SREBF2: variants seen among roughly 807,000 people sequenced by gnomAD.
SREBF2 encodes the protein sterol regulatory element binding transcription factor 2.
In SREBF2, 55 loss-of-function variants were observed where a neutral mutation model predicts 113.1. That is an observed-to-expected ratio of 0.49 (90% CI 0.39 to 0.61). The LOEUF (loss-of-function observed/expected upper bound fraction) is 0.61. Among genes scored for constraint, SREBF2 ranks in the 20% least tolerant of loss-of-function variants. The pLI is 0.00. For synonymous variants in SREBF2, 593 were observed against 605.7 expected (o/e 0.98, Z 0.31); for missense variants, 1,349 against 1,487.4 (o/e 0.91, Z 1.53).
intron 1 of SREBF2, among the ~76,000 whole-genome samples, chr22:41,859,498 G>A (rs539875409): frequency 9.9e-5 from 15 of 152,216 alleles, no homozygotes; most frequent in African/African-American, 3.4e-4. Context: ...TTTTTCTCAT[G>A]CATAAGCAAA....
chr22:41,903,967 G>A (rs1170358125), intron 17 of SREBF2, among the ~76,000 whole-genome samples: 4 of 152,214 alleles, frequency 2.6e-5, no homozygotes, highest in Non-Finnish European at 4.4e-5. Context: ...ATGTACCCCA[G>A]GCCTGGAGCG....
chr22:41,853,929 G>T (rs1437261709), intron 1 of SREBF2, among the ~76,000 whole-genome samples: 2 of 151,644 alleles, frequency 1.3e-5, no homozygotes, highest in Non-Finnish European at 2.9e-5. Flanking sequence ...CAGCTACTCG[G>T]GAGGCTGAGG....
chr22:41,905,567 C>A lies in SREBF2; in HGVS notation c.3333C>A (p.Arg1111=), dbSNP rs145828942. 135 of 1,596,684 alleles carry A rather than the reference C, an allele frequency of 8.5e-5. No homozygotes were observed. The African/African-American group carries it at 1.6e-3, about 19-fold the overall frequency. The change falls in exon 19 of 19, where the codon CGC becomes CGA. Residue 1111 remains arginine, a synonymous_variant. Transcript: ENST00000361204. ...CAGTGCTGCTGGCCGAAGCTGCCCG[C>A]ACCCTGGAGAAGGTGGGCGACCGGC... ...QRAVLLAEAA[R]TLEKVGDRRS... is the part of the protein sequence containing the mutation.
intron 1 of SREBF2, among the ~76,000 whole-genome samples, chr22:41,848,272 A>G (rs1298701231): frequency 6.6e-6 from 1 of 151,894 alleles, no homozygotes. Flanking sequence ...TTTTTTTAGT[A>G]GAGACGGAGT....
chr22:41,892,515 G>T (rs1054890033), intron 11 of SREBF2, among the ~76,000 whole-genome samples: 2 of 151,856 alleles, frequency 1.3e-5, no homozygotes, highest in East Asian at 1.9e-4. Context: ...GGGCATGGTG[G>T]CGCGCGCCTG....
chr22:41,889,806 G>A (rs1340110012), intron 11 of SREBF2, among the ~76,000 whole-genome samples: 3 of 151,840 alleles, frequency 2.0e-5, no homozygotes, highest in African/African-American at 7.3e-5. Context: ...TTTGAGACCA[G>A]CCTGGCCAAC....
chr22:41,867,748 A>G (rs1208116996), intron 2 of SREBF2, among the ~76,000 whole-genome samples: 1 of 152,098 alleles, frequency 6.6e-6, no homozygotes, highest in Non-Finnish European at 1.5e-5. Flanking sequence ...CAGAGCTTGC[A>G]GTGAGCAGAG....
chr22:41,833,667 C>T lies in SREBF2; in HGVS notation c.88+309C>T, dbSNP rs1400039360. The T allele has an allele frequency of 1.1e-5, 3 of 271,500 alleles. No homozygotes were observed. Among genetic ancestry groups the T allele is most frequent in the Non-Finnish European group, 2.1e-5 (3 of 144,740 alleles). The allele number at this position is 271,500 out of a possible 1,614,324, so 16.8% of individuals were successfully genotyped here. A position where few individuals can be genotyped will look rare whatever the true frequency, so the allele number is the denominator to read the frequency against. On this transcript the variant is annotated intron_variant, in intron 1 of 18. Transcript: ENST00000361204. The surrounding 1 kb of genome is among the most constrained non-coding windows in gnomAD (Gnocchi z 4.1). Reference sequence around the variant, plus strand: ...GTCTCAGGGAGCGGCCTAAGGAGAGCGCGTGGCCGCCGCCTCCCTCGCGCG... The same window carrying T: ...GTCTCAGGGAGCGGCCTAAGGAGAGTGCGTGGCCGCCGCCTCCCTCGCGCG...
chr22:41,871,329 G>A (rs1353511417), intron 4 of SREBF2, among the ~76,000 whole-genome samples: 9 of 152,134 alleles, frequency 5.9e-5, no homozygotes, highest in Admixed American at 3.9e-4. Flanking sequence ...AGATCCTGCT[G>A]ATGACTTCTG....
chr22:41,896,698 G>A (rs904106430), intron 13 of SREBF2, among the ~76,000 whole-genome samples: 2 of 152,212 alleles, frequency 1.3e-5, no homozygotes, highest in Non-Finnish European at 2.9e-5. Context: ...CCTGATTAGG[G>A]TGCACCTGAG....
At chr22:41,836,325 T>G (rs778808680) in intron 1 of SREBF2, among the ~76,000 whole-genome samples, 1 of 152,184 alleles carries the variant, frequency 6.6e-6, no homozygotes, top group East Asian at 1.9e-4. Flanking sequence ...TCATGGAGCT[T>G]GAGATGAGAA....
rs751883529 is a variant in SREBF2, at chr22:41,884,939, A to G, written c.2136A>G (p.Thr712=). The stretch of plus-strand genomic sequence containing the variant: ...CAGAGGAGAAGATCCCACCGAGCAC[A>G]CTGGTTGAGATCCATCTGACTGCTG... ...ECAEEKIPPS[T]LVEIHLTAAM... is the part of the protein sequence containing the mutation. The change falls in exon 11 of 19, where the codon ACA becomes ACG. Residue 712 remains threonine, a synonymous_variant. Coordinates refer to ENST00000361204, the MANE Select transcript of SREBF2 (RefSeq NM_004599.4). 1.2e-6 allele frequency: 2 copies of G among 1,614,142 alleles called. No individual in the cohort carries two copies. The highest frequency in any genetic ancestry group is 1.1e-5 in the South Asian group (1 of 91,078).
rs919847479 is a variant in SREBF2 at position 41,833,401 on chromosome 22, G to A, written c.88+43G>A. ...GGGAGTGCGGGGGCCGCGCGGGGAG[G>A]AAGGGGTTACGGCGGCGCGCCCGGG... On this transcript the variant is annotated intron_variant, in intron 1 of 18. Coordinates refer to ENST00000361204, the MANE Select transcript of SREBF2 (RefSeq NM_004599.4). The surrounding 1 kb of genome is among the most constrained non-coding windows in gnomAD (Gnocchi z 4.1). 2.7e-6 allele frequency: 4 copies of A among 1,504,628 alleles called. No homozygotes were observed. In the Admixed American group the frequency reaches 6.1e-5, roughly 23 times the overall value. The allele number at this position is 1,504,628 out of a possible 1,614,324, so 93.2% of individuals were successfully genotyped here.
At chr22:41,886,625 C>A (rs945922178) in intron 11 of SREBF2, among the ~76,000 whole-genome samples, 1 of 152,198 alleles carries the variant, frequency 6.6e-6, no homozygotes, top group Non-Finnish European at 1.5e-5. Context: ...TCTTGAGGCC[C>A]TCCCTGCTCT....
chr22:41,871,595 A>G (rs929979837), intron 4 of SREBF2, among the ~76,000 whole-genome samples: 1 of 152,078 alleles, frequency 6.6e-6, no homozygotes, highest in Non-Finnish European at 1.5e-5. Flanking sequence ...CCTAGCAATT[A>G]AAAAACAGAA....
chr22:41,866,273 G>A (rs1285291728), intron 1 of SREBF2, among the ~76,000 whole-genome samples: 42 of 152,148 alleles, frequency 2.8e-4, no homozygotes, highest in Admixed American at 2.6e-3. Flanking sequence ...GAGAGAGGCT[G>A]GGTGCGGTGG....
rs1250620293 is a variant in SREBF2 at position 41,905,544 on chromosome 22, G to A, written c.3310G>A (p.Val1104Met). 6 of 1,590,366 alleles carry A rather than the reference G, an allele frequency of 3.8e-6. No individual in the cohort carries two copies. The South Asian group carries it at 5.7e-5, about 15-fold the overall frequency. The change falls in exon 19 of 19, where the codon GTG (valine) becomes ATG (methionine). Residue 1104 changes from valine (V) to methionine (M), a missense_variant. Val to Met is a conservative substitution (Grantham distance 21, BLOSUM62 1). Transcript: ENST00000361204. ...CCTCTCCTCCCCGGGCCAGCGGGCA[G>A]TGCTGCTGGCCGAAGCTGCCCGCAC... ...SFLSSPGQRA[V>M]LLAEAARTLE... is the part of the protein sequence containing the mutation.
chr22:41,852,319 G>A (rs923933484), intron 1 of SREBF2, among the ~76,000 whole-genome samples: 1 of 152,072 alleles, frequency 6.6e-6, no homozygotes, highest in African/African-American at 2.4e-5. Flanking sequence ...TTACAATTAA[G>A]TAACTGAGTC....
chr22:41,894,744 G>A, intron 12 of SREBF2, 76 bp from the exon 13 acceptor site: 2 of 1,256,580 alleles, frequency 1.6e-6, no homozygotes, highest in Non-Finnish European at 2.3e-6. Context: ...GGCTGTGTTT[G>A]GAGTTTCTCT....
Sources: gnomAD v4.1 joint callset for allele counts (sites outside exome capture counted in the v4.1 genomes callset) on GRCh38, gnomAD v4.1.1 for gene constraint, Gnocchi (gnomAD v3.1) non-coding constraint, MANE v1.5 for transcripts, NCBI Gene and HGNC (gene_info 2026-07-23, HGNC 2026-07-21) for gene names.